Variants in UNC13C observed in about 807,000 individuals in gnomAD.
UNC13C encodes the protein protein unc-13 homolog C.
A neutral mutation model predicts 245.4 loss-of-function variants in UNC13C; 174 were observed. The ratio of observed to expected loss-of-function variants is 0.71; its 90% CI spans 0.63 to 0.80. The LOEUF (loss-of-function observed/expected upper bound fraction) is 0.80. Among genes scored for constraint, UNC13C ranks in the 30% least tolerant of loss-of-function variants. UNC13C has a pLI of 0.00. For missense variants in UNC13C, 2,829 were observed against 2,602.9 expected (o/e 1.09, Z -1.89); for synonymous variants, 992 against 895.1 (o/e 1.11, Z -1.93).
At chr15:54,038,941 G>A (rs1896701281) in intron 2 of UNC13C, among the ~76,000 whole-genome samples, 1 of 152,016 alleles carries the variant, frequency 6.6e-6, no homozygotes, top group Admixed American at 6.5e-5. Context: ...AATCCTTTCT[G>A]TTTAAAGAAT....
chr15:54,059,413 A>T (rs928001481), intron 2 of UNC13C, among the ~76,000 whole-genome samples: 7 of 152,240 alleles, frequency 4.6e-5, no homozygotes, highest in African/African-American at 7.2e-5. Flanking sequence ...GCAAGGGATG[A>T]GAAGGACCTC....
intron 4 of UNC13C, among the ~76,000 whole-genome samples, chr15:54,218,698 G>A (rs1337315118): frequency 2.0e-5 from 3 of 151,790 alleles, no homozygotes; most frequent in Non-Finnish European, 4.4e-5. Flanking sequence ...TTGTGTTATG[G>A]AAAAATCACT....
At chr15:53,980,543 T>C (rs1422875876) in intron 1 of UNC13C, among the ~76,000 whole-genome samples, 3 of 152,262 alleles carry the variant, frequency 2.0e-5, no homozygotes, top group Non-Finnish European at 4.4e-5. Context: ...TTTGAAACTC[T>C]AATTTACAAA....
intron 17 of UNC13C, among the ~76,000 whole-genome samples, chr15:54,378,043 G>A (rs1412972492): frequency 1.3e-5 from 2 of 152,032 alleles, no homozygotes; most frequent in African/African-American, 2.4e-5. Context: ...AAAAAGTGAT[G>A]TTTTTATATG....
At chr15:54,431,415 G>C (rs1485115598) in intron 19 of UNC13C, among the ~76,000 whole-genome samples, 3 of 151,360 alleles carry the variant, frequency 2.0e-5, no homozygotes, top group Non-Finnish European at 4.4e-5. Context: ...TATTTGGAAT[G>C]TCTAATAGGG....
chr15:54,012,339 A>G (rs1430667550), intron 1 of UNC13C, among the ~76,000 whole-genome samples: 1 of 152,194 alleles, frequency 6.6e-6, no homozygotes, highest in Admixed American at 6.5e-5. Flanking sequence ...TATGAAGTCA[A>G]TATGGCTGTA....
rs1175278116 is a variant in UNC13C, at chr15:54,548,116, CT to C, written c.5820+1275del. Reference sequence around the variant, plus strand: ...ATGACTGTCACAGATTGCAGGCTACCTTTTCCCGTCTGCTGGTAGCTCCACT... The same window carrying C: ...ATGACTGTCACAGATTGCAGGCTACCTTTCCCGTCTGCTGGTAGCTCCACT... On this transcript the variant is annotated intron_variant, in intron 27 of 32. Transcript: ENST00000260323. 1.6e-4 allele frequency among the ~76,000 whole-genome samples: 24 copies of C among 151,760 alleles called. 1 individual carries two copies. Among genetic ancestry groups the C allele is most frequent in the Admixed American group, 9.2e-4 (14 of 15,196 alleles).
the UNC13C span, among the ~76,000 whole-genome samples, chr15:53,936,931 C>G: frequency 6.6e-6 from 1 of 152,166 alleles, no homozygotes; most frequent in Non-Finnish European, 1.5e-5. Flanking sequence ...GAGAAAGAAT[C>G]AATGCAAAAA....
intron 6 of UNC13C, 121 bp from the exon 7 acceptor site, chr15:54,237,498 T>G (rs200008983): frequency 3.1e-4 from 237 of 768,826 alleles, no homozygotes; most frequent in Non-Finnish European, 4.6e-6. Context: ...AAATGGCAGG[T>G]CCTTACTAAC....
the UNC13C span, among the ~76,000 whole-genome samples, chr15:53,941,508 C>A: frequency 0.091 from 13,902 of 152,094 alleles, 964 homozygotes; most frequent in East Asian, 0.21. Flanking sequence ...GAACAGACCA[C>A]CTACATAATG....
intron 19 of UNC13C, among the ~76,000 whole-genome samples, chr15:54,456,759 C>G (rs1470503391): frequency 1.3e-5 from 2 of 151,954 alleles, no homozygotes; most frequent in Non-Finnish European, 2.9e-5. Flanking sequence ...ATTCGTTTAT[C>G]AGATCTAGGA....
chr15:53,839,736 T>G, the UNC13C span, among the ~76,000 whole-genome samples: 15 of 152,104 alleles, frequency 9.9e-5, no homozygotes, highest in African/African-American at 3.4e-4. Context: ...CCCCTTCTGC[T>G]TTCTCCCCTC....
chr15:53,838,314 C>T, the UNC13C span, among the ~76,000 whole-genome samples: 6 of 152,082 alleles, frequency 3.9e-5, no homozygotes, highest in African/African-American at 1.2e-4. Context: ...TCATTCATTC[C>T]TTTATATTTT....
At chr15:53,978,093 C>T (rs190925964), upstream of UNC13C, among the ~76,000 whole-genome samples, 2 of 152,222 alleles carry the variant, frequency 1.3e-5, no homozygotes, top group Admixed American at 6.5e-5. Flanking sequence ...CAGTCAAGTA[C>T]ATCTAAAACA....
chr15:54,013,739 G>C lies in UNC13C; in HGVS notation c.836G>C (p.Ser279Thr). Residue 279 changes from serine to threonine, a missense_variant, in exon 2 of 33, where the codon AGC becomes ACC. Ser to Thr is a moderately conservative substitution (Grantham distance 58). Coordinates refer to ENST00000260323, the MANE Select transcript of UNC13C (RefSeq NM_001080534.3). ...AAGCACTCCATCGATGAGATCTCCA[G>C]CAGTGTGGAGGTTGTACAAAGTGAA... is the stretch of plus-strand genomic sequence containing the variant. ...ALKHSIDEIS[S>T]SVEVVQSEIE... is the part of the protein sequence containing the mutation. 6.2e-7 allele frequency: 1 copy of C among 1,612,360 alleles called. No individual in the cohort carries two copies. Among genetic ancestry groups the C allele is most frequent in the Non-Finnish European group, 8.5e-7 (1 of 1,179,182 alleles).
At chr15:54,125,128 C>G (rs868283040) in intron 2 of UNC13C, among the ~76,000 whole-genome samples, 1 of 151,880 alleles carries the variant, frequency 6.6e-6, no homozygotes, top group African/African-American at 2.4e-5. Flanking sequence ...GTTCCCTTAT[C>G]TTTCCATATA....
At chr15:54,594,447 G>C (rs919191722) in intron 30 of UNC13C, among the ~76,000 whole-genome samples, 4 of 150,826 alleles carry the variant, frequency 2.7e-5, no homozygotes, top group African/African-American at 9.9e-5. Context: ...ATCATCAGGT[G>C]GGGGCAGGGC....
intron 19 of UNC13C, among the ~76,000 whole-genome samples, chr15:54,415,617 C>A (rs751255185): frequency 6.6e-6 from 1 of 152,072 alleles, no homozygotes; most frequent in African/African-American, 2.4e-5. Context: ...AGAGATAGAA[C>A]CATAGACCTG....
intron 4 of UNC13C, among the ~76,000 whole-genome samples, chr15:54,210,519 T>C (rs1367355240): frequency 3.3e-5 from 5 of 152,092 alleles, no homozygotes; most frequent in East Asian, 1.9e-4. Context: ...TAGTTTTATA[T>C]ATTTTGGTTA....
Sources: allele counts gnomAD v4.1 joint callset (sites outside exome capture counted in the v4.1 genomes callset), GRCh38; gene constraint gnomAD v4.1.1; transcripts MANE v1.5; gene names NCBI Gene and HGNC (gene_info 2026-07-23, HGNC 2026-07-21).